Variants in ZNF263 observed in about 807,000 individuals in gnomAD.
ZNF263 encodes the protein zinc finger protein FPM315.
Under a neutral mutation model 63.1 loss-of-function variants are expected in ZNF263, and 49 were observed. The ratio of observed to expected loss-of-function variants is 0.78; its 90% confidence interval spans 0.62 to 0.99. The LOEUF is 0.99. Ranked by LOEUF, ZNF263 falls within the 50% of genes least tolerant of loss-of-function variation. The pLI, the probability that ZNF263 is intolerant of heterozygous loss-of-function variation, is 0.00. For synonymous variants in ZNF263, 352 were observed against 324.2 expected (o/e 1.09, Z -0.92); for missense variants, 872 against 854.8 (o/e 1.02, Z -0.25).
In ZNF263 at chr16:3,299,220, T is replaced by C. The variant is rs368329179; in HGVS notation, c.*46+64T>C. The C allele has an allele frequency of 6.8e-6, 11 of 1,607,136 alleles. No individual in the cohort carries two copies. In the African/African-American group the frequency reaches 1.5e-4, roughly 22 times the overall value. ...CAGCAGTCTGCTTCTCAGCTTCTCCTCCTTTTTGAACAACTTCCTTTGTTA... is the reference window on the plus strand; with the variant it reads ...CAGCAGTCTGCTTCTCAGCTTCTCCCCCTTTTTGAACAACTTCCTTTGTTA... On this transcript the variant is annotated intron_variant, in intron 2 of 2. Coordinates refer to the ZNF263 transcript ENST00000574674.
chr16:3,297,981 G>T (rs1959808671), intron 1 of ZNF263, among the ~76,000 whole-genome samples: 1 of 152,212 alleles, frequency 6.6e-6, no homozygotes, highest in Admixed American at 6.5e-5. Flanking sequence ...ATTGGGAGAA[G>T]TACTTTCAAA....
Position 3,291,011 on chromosome 16 carries a change from C to G in ZNF263, c.*453C>G, listed in dbSNP as rs765906786. The G allele has an allele frequency of 1.0e-6, 1 of 997,760 alleles. No homozygotes were observed. Among genetic ancestry groups the G allele is most frequent in the Non-Finnish European group, 1.2e-6 (1 of 835,878 alleles). The allele number at this position is 997,760 out of a possible 1,614,324, so 61.8% of individuals were successfully genotyped here. A position where few individuals can be genotyped will look rare whatever the true frequency, so the allele number is the denominator to read the frequency against. On this transcript the variant is annotated 3_prime_UTR_variant, in exon 6 of 6. Coordinates refer to ENST00000219069, the MANE Select transcript of ZNF263 (RefSeq NM_005741.5). ...GGGGCCAAGTACCCTGGGAAATCAGCTGAAGGTCAACAAAAGACTGGTTGT... is the reference window on the plus strand; with the variant it reads ...GGGGCCAAGTACCCTGGGAAATCAGGTGAAGGTCAACAAAAGACTGGTTGT...
Position 3,285,116 on chromosome 16 carries a change from A to G in ZNF263, c.445A>G (p.Thr149Ala). The change falls in exon 2 of 6, where the codon ACA becomes GCA. Residue 149 changes from threonine (T) to alanine (A), a missense_variant. Physicochemically the swap from Thr to Ala is moderately conservative, Grantham distance 58. Coordinates refer to ENST00000219069, the MANE Select transcript of ZNF263 (RefSeq NM_005741.5). Reference protein sequence around the residue: ...VLLEEPLPLETARESPSFKLE... With the variant: ...VLLEEPLPLEAARESPSFKLE... ...TTTGGAGGAGCCTTTGCCTCTGGAA[A>G]CAGCACGAGAGTCACCGAGCTTCAA... 1 of 1,614,170 alleles carries G rather than the reference A, an allele frequency of 6.2e-7. No individual in the cohort carries two copies. Among genetic ancestry groups the G allele is most frequent in the Non-Finnish European group, 8.5e-7 (1 of 1,180,034 alleles).
intron 2 of ZNF263, chr16:3,299,228 G>T (rs1206445737): frequency 6.2e-7 from 1 of 1,607,830 alleles, no homozygotes; most frequent in Non-Finnish European, 8.5e-7. Context: ...CCTCCTTTTT[G>T]AACAACTTCC....
chr16:3,285,634 C>T (rs1038690807), intron 2 of ZNF263, 47 bp from the exon 3 acceptor site: 1 of 1,590,994 alleles, frequency 6.3e-7, no homozygotes, highest in African/African-American at 1.3e-5. Context: ...CCTTGGGTTG[C>T]CAAGAGTTAG....
chr16:3,284,671 C>T (rs1358983257), intron 1 of ZNF263, among the ~76,000 whole-genome samples: 1 of 152,202 alleles, frequency 6.6e-6, no homozygotes, highest in East Asian at 1.9e-4. Context: ...CTGGTCTTCT[C>T]TGCAAAGCTG....
chr16:3,300,211 A>G (rs1389751425), intron 2 of ZNF263: 11 of 1,614,124 alleles, frequency 6.8e-6, no homozygotes, highest in Non-Finnish European at 3.4e-6. Context: ...TCGGTTCCCA[A>G]TTGCATGCCG....
At chr16:3,298,910 G>T in intron 1 of ZNF263, 1 of 713,888 alleles carries the variant, frequency 1.4e-6, no homozygotes, top group South Asian at 5.4e-5. Flanking sequence ...GCTAAAACAA[G>T]ACAATTCACA....
At chr16:3,294,932 T>C (rs1567256204), downstream of ZNF263, among the ~76,000 whole-genome samples, 1 of 152,142 alleles carries the variant, frequency 6.6e-6, no homozygotes, top group Non-Finnish European at 1.5e-5. Context: ...TCATGAGGAA[T>C]TGCTTGCCCT....
intron 2 of ZNF263, 111 bp downstream of exon 2, chr16:3,285,350 G>T (rs1348062773): frequency 1.6e-6 from 2 of 1,254,606 alleles, no homozygotes; most frequent in African/African-American, 3.0e-5. Flanking sequence ...TGAAGATCAG[G>T]TTCTCACCTG....
chr16:3,293,949 G>A (rs888827357), downstream of ZNF263, among the ~76,000 whole-genome samples: 9 of 152,214 alleles, frequency 5.9e-5, no homozygotes, highest in East Asian at 5.8e-4. Context: ...TGTTTGAGAC[G>A]GAGTCTCGCT....
In ZNF263 at chr16:3,284,117, G is replaced by A. The variant is rs1204370347; in HGVS notation, c.299G>A (p.Arg100Lys). Reference sequence around the variant, plus strand: ...ATCCTGCCCCAGGAGATCCAGAGCAGGGTGCAGGAGCTGCATCCGGAGAGC... The same window carrying A: ...ATCCTGCCCCAGGAGATCCAGAGCAAGGTGCAGGAGCTGCATCCGGAGAGC... ...LTILPQEIQS[R>K]VQELHPESGE... The change falls in exon 1 of 6, where the codon AGG becomes AAG. Residue 100 changes from arginine (R) to lysine (K), a missense_variant. Transcript: ENST00000219069. 1.2e-6 allele frequency: 2 copies of A among 1,612,164 alleles called. No individual in the cohort carries two copies. The highest frequency in any genetic ancestry group is 1.7e-6 in the Non-Finnish European group (2 of 1,178,878).
chr16:3,285,507 C>G (rs1425894001), intron 2 of ZNF263, among the ~76,000 whole-genome samples, 174 bp from the exon 3 acceptor site: 1 of 152,194 alleles, frequency 6.6e-6, no homozygotes, highest in Non-Finnish European at 1.5e-5. Context: ...ACTCTTGGTA[C>G]TCCTTCCCTC....
chr16:3,295,569 G>GAGAGCCGAGCTGGA (rs1959721475), downstream of ZNF263, among the ~76,000 whole-genome samples: 1 of 152,264 alleles, frequency 6.6e-6, no homozygotes, highest in African/African-American at 2.4e-5. Context: ...GCCGAGCTGG[G>GAGAGCCGAGCTGGA]GTGCGTGCGA....
At chr16:3,299,876 C>A in intron 2 of ZNF263, 1 of 1,600,330 alleles carries the variant, frequency 6.2e-7, no homozygotes, top group Non-Finnish European at 8.5e-7. Context: ...TTATATATCA[C>A]AGGCAATGTA....
At position 3,290,302 on chromosome 16, in the gene ZNF263, G is replaced by A. The variant is rs994009463; in HGVS notation, c.1796G>A (p.Gly599Glu). ...HLTRHQRTHT[G>E]EKPYKCTLCG... The stretch of plus-strand genomic sequence containing the variant: ...ACCAGACATCAGAGAACACACACAG[G>A]AGAGAAACCGTATAAATGTACCCTT... Residue 599 changes from glycine (G) to glutamate (E), a missense_variant, in exon 6 of 6, where the codon GGA becomes GAA. By Grantham distance (98) the Gly-to-Glu change is moderately conservative (BLOSUM62 -2). Transcript: ENST00000219069. 1.2e-5 allele frequency: 19 copies of A among 1,613,914 alleles called. No homozygotes were observed. Among genetic ancestry groups the A allele is most frequent in the Middle Eastern group, 1.6e-4 (1 of 6,084 alleles).
intron 2 of ZNF263, chr16:3,299,398 T>C: frequency 6.4e-7 from 1 of 1,555,292 alleles, no homozygotes; most frequent in Non-Finnish European, 8.7e-7. Context: ...TTCAGGTTCC[T>C]TTTTGTAAAG....
Position 3,286,168 on chromosome 16 carries a change from G to A in ZNF263, c.769+19G>A, listed in dbSNP as rs201601858. 6.3e-7 allele frequency: 1 copy of A among 1,578,130 alleles called. No individual in the cohort carries two copies. Among genetic ancestry groups the A allele is most frequent in the East Asian group, 2.3e-5 (1 of 44,074 alleles). On this transcript the variant is annotated intron_variant, in intron 4 of 5. Coordinates refer to ENST00000219069, the MANE Select transcript of ZNF263 (RefSeq NM_005741.5). ...TCACTGGGTAAGGACTTCTTTTCCA[G>A]GGATGATGACTGCGCCATTTCTGAC...
chr16:3,287,405 C>CTTTTTTTTTTT (rs34751211), intron 4 of ZNF263, among the ~76,000 whole-genome samples: 1 of 97,866 alleles, frequency 1.0e-5, no homozygotes, highest in African/African-American at 4.1e-5. Flanking sequence ...CACACCCGGC[C>CTTTTTTTTTTT]TTTTTTTTTT....
Sources: gnomAD v4.1 joint callset for allele counts (sites outside exome capture counted in the v4.1 genomes callset) on GRCh38, gnomAD v4.1.1 for gene constraint, MANE v1.5 for transcripts, NCBI Gene and HGNC (gene_info 2026-07-23, HGNC 2026-07-21) for gene names.